Variants in ANKS1B observed in about 807,000 individuals in gnomAD.
The protein encoded by ANKS1B is ankyrin repeat and sterile alpha motif domain-containing protein 1B.
ANKS1B carries 36 observed loss-of-function variants against 148.3 expected under a neutral mutation model. The observed-to-expected ratio is 0.24, with a 90% confidence interval of 0.19 to 0.32. The LOEUF (loss-of-function observed/expected upper bound fraction) is 0.32. ANKS1B is among the 10% of genes least tolerant of loss of function. The pLI is 1.00. For synonymous variants in ANKS1B, 542 were observed against 560.8 expected (o/e 0.97, Z 0.47); for missense variants, 1,157 against 1,542.6 (o/e 0.75, Z 4.19).
At chr12:98,836,776 G>A (rs7303198) in intron 17 of ANKS1B, among the ~76,000 whole-genome samples, 37,307 of 152,044 alleles carry the variant, frequency 0.25, 5,375 homozygotes, top group Admixed American at 0.32. Flanking sequence ...GAACATAATG[G>A]GAGTAAAAGA....
intron 8 of ANKS1B, 132 bp from the exon 9 acceptor site, chr12:99,655,342 T>G: frequency 1.3e-6 from 1 of 758,152 alleles, no homozygotes; most frequent in Non-Finnish European, 2.0e-6. Context: ...CACAGTTACA[T>G]GGCTGTGCCC....
intron 8 of ANKS1B, among the ~76,000 whole-genome samples, chr12:99,690,358 C>T (rs2098672849): frequency 6.6e-6 from 1 of 152,168 alleles, no homozygotes. Flanking sequence ...GCCTTCCCAA[C>T]AGTACCCTAA....
chr12:99,463,498 T>G (rs898162322), intron 10 of ANKS1B, among the ~76,000 whole-genome samples: 1 of 152,154 alleles, frequency 6.6e-6, no homozygotes, highest in East Asian at 1.9e-4. Context: ...ATTGCCTCAC[T>G]TGGGAAGTGC....
intron 15 of ANKS1B, among the ~76,000 whole-genome samples, chr12:99,094,542 G>A (rs954051086): frequency 6.6e-6 from 1 of 152,202 alleles, no homozygotes; most frequent in Non-Finnish European, 1.5e-5. Flanking sequence ...GGTGAGGAAA[G>A]TCTCTCTGAG....
chr12:99,870,121 T>C (rs936714298), intron 1 of ANKS1B, among the ~76,000 whole-genome samples: 7 of 152,168 alleles, frequency 4.6e-5, no homozygotes, highest in Admixed American at 1.3e-4. Flanking sequence ...AGTCCCCAGT[T>C]TCTATTGTTG....
chr12:99,441,920 T>G (rs1303675960), intron 11 of ANKS1B, among the ~76,000 whole-genome samples: 1 of 151,964 alleles, frequency 6.6e-6, no homozygotes, highest in Non-Finnish European at 1.5e-5. Flanking sequence ...GAAAAGAATC[T>G]GTTTTTCATT....
At chr12:98,795,853 T>G (rs2098943797) in intron 22 of ANKS1B, among the ~76,000 whole-genome samples, 1 of 152,188 alleles carries the variant, frequency 6.6e-6, no homozygotes, top group Admixed American at 6.5e-5. Flanking sequence ...TTAACTTCTC[T>G]TGGACTTTGT....
At chr12:99,189,376 C>T (rs1380303516) in intron 14 of ANKS1B, among the ~76,000 whole-genome samples, 1 of 152,096 alleles carries the variant, frequency 6.6e-6, no homozygotes, top group Admixed American at 6.6e-5. Context: ...CAAAACCTGG[C>T]AGAGAAACAA....
intron 17 of ANKS1B, among the ~76,000 whole-genome samples, chr12:98,932,731 T>C (rs2099814812): frequency 6.6e-6 from 1 of 152,184 alleles, no homozygotes; most frequent in African/African-American, 2.4e-5. Flanking sequence ...AAGGTCTACA[T>C]GGTCAAATAA....
At position 98,745,194 on chromosome 12, in the gene ANKS1B, C is replaced by G. The variant is rs2097853178; in HGVS notation, c.*545G>C. The stretch of plus-strand genomic sequence containing the variant: ...ATCCACAAATATAGAAATGGGGAAA[C>G]AGAATCTCCTGGCAATCATATCACG... On this transcript the variant is annotated 3_prime_UTR_variant, in exon 27 of 27. Coordinates refer to ENST00000683438, the MANE Select transcript of ANKS1B (RefSeq NM_001352186.2). The G allele has an allele frequency of 1.0e-6, 1 of 985,530 alleles. No homozygotes were observed. Among genetic ancestry groups the G allele is most frequent in the South Asian group, 4.7e-5 (1 of 21,280 alleles). The allele number at this position is 985,530 out of a possible 1,614,324, so 61.0% of individuals were successfully genotyped here. A position where few individuals can be genotyped will look rare whatever the true frequency, so the allele number is the denominator to read the frequency against.
At chr12:99,428,363 C>T (rs545518614) in intron 11 of ANKS1B, among the ~76,000 whole-genome samples, 3 of 152,188 alleles carry the variant, frequency 2.0e-5, no homozygotes, top group African/African-American at 4.8e-5. Flanking sequence ...TACTGGCATG[C>T]GGTATCAGAG....
At chr12:99,341,518 A>C (rs571697837) in intron 12 of ANKS1B, among the ~76,000 whole-genome samples, 2 of 152,284 alleles carry the variant, frequency 1.3e-5, no homozygotes, top group South Asian at 4.1e-4. Context: ...CATGCTTGCC[A>C]CATGTGGCTA....
At chr12:99,203,067 G>A (rs561109637) in intron 14 of ANKS1B, among the ~76,000 whole-genome samples, 4 of 152,304 alleles carry the variant, frequency 2.6e-5, no homozygotes, top group African/African-American at 9.6e-5. Flanking sequence ...CTAGATTCAA[G>A]GTGAGGAAAC....
At chr12:99,613,487 G>A (rs933822445) in intron 9 of ANKS1B, among the ~76,000 whole-genome samples, 2 of 152,050 alleles carry the variant, frequency 1.3e-5, no homozygotes, top group Non-Finnish European at 2.9e-5. Context: ...TAAAGAAAAT[G>A]TGGTACATAT....
intron 8 of ANKS1B, among the ~76,000 whole-genome samples, chr12:99,667,195 A>G (rs2098512687): frequency 6.6e-6 from 1 of 151,910 alleles, no homozygotes; most frequent in African/African-American, 2.4e-5. Flanking sequence ...AAAATACAAA[A>G]AAGTTTAGCC....
At chr12:99,976,489 G>A (rs757240200) in intron 1 of ANKS1B, among the ~76,000 whole-genome samples, 1 of 152,168 alleles carries the variant, frequency 6.6e-6, no homozygotes, top group Non-Finnish European at 1.5e-5. Flanking sequence ...AGGGAATGTG[G>A]TGTGGGAAAT....
At chr12:99,433,309 T>C (rs922856185) in intron 11 of ANKS1B, among the ~76,000 whole-genome samples, 1 of 152,174 alleles carries the variant, frequency 6.6e-6, no homozygotes, top group East Asian at 1.9e-4. Context: ...AATACACAAG[T>C]GCGCATTCCA....
intron 1 of ANKS1B, among the ~76,000 whole-genome samples, chr12:99,833,942 A>G (rs2084417982): frequency 6.6e-6 from 1 of 152,156 alleles, no homozygotes; most frequent in Non-Finnish European, 1.5e-5. Flanking sequence ...GGAGGTTTAG[A>G]ATGGAAAGTT....
At chr12:99,807,630 A>T (rs1456259806) in intron 3 of ANKS1B, among the ~76,000 whole-genome samples, 1 of 152,166 alleles carries the variant, frequency 6.6e-6, no homozygotes, top group Non-Finnish European at 1.5e-5. Flanking sequence ...TGTACTAGAC[A>T]TAGTTGCATT....
Sources: gnomAD v4.1 joint callset for allele counts (sites outside exome capture counted in the v4.1 genomes callset) on GRCh38, gnomAD v4.1.1 for gene constraint, MANE v1.5 for transcripts, NCBI Gene and HGNC (gene_info 2026-07-23, HGNC 2026-07-21) for gene names.